The following ZNF804A variants were observed in gnomAD, a reference collection of about 807,000 sequenced individuals.
The protein encoded by ZNF804A is zinc finger protein 804A.
Under a neutral mutation model 16.5 loss-of-function variants are expected in ZNF804A, and 2 were observed. The observed-to-expected ratio is 0.12, with a 90% CI of 0.05 to 0.38. The LOEUF (loss-of-function observed/expected upper bound fraction) is 0.38, where lower values mean the gene tolerates loss of function less well. ZNF804A is among the 10% of genes least tolerant of loss of function. ZNF804A has a pLI of 0.99. For synonymous variants in ZNF804A, 534 were observed against 489.6 expected, an observed-to-expected ratio of 1.09 and a Z score of -1.20; for missense variants, 1,473 against 1,390.7, an observed-to-expected ratio of 1.06 and a Z score of -0.94.
At chr2:184,818,445 TA>T (rs1414630201) in intron 1 of ZNF804A, among the ~76,000 whole-genome samples, 2 of 150,258 alleles carry the variant, frequency 1.3e-5, no homozygotes, top group Admixed American at 6.6e-5. Flanking sequence ...TACCAGCCAC[TA>T]AAAAAAATAC....
At position 184,719,390 on chromosome 2, in the gene ZNF804A, T is replaced by C. The variant is rs1161047866; in HGVS notation, c.111+120320T>C. 2.0e-5 allele frequency among the ~76,000 whole-genome samples: 3 copies of C among 152,308 alleles called. No individual in the cohort carries two copies. In the East Asian group the frequency reaches 5.8e-4, roughly 30 times the overall value. On this transcript the variant is annotated intron_variant, in intron 1 of 3. Coordinates refer to ENST00000302277, the MANE Select transcript of ZNF804A (RefSeq NM_194250.2). ...TCCCATTGTCTTGGGGATTAACATTTGGCTCCTCATTCATTATGCAAATTT... is the reference window on the plus strand; with the variant it reads ...TCCCATTGTCTTGGGGATTAACATTCGGCTCCTCATTCATTATGCAAATTT...
At chr2:184,811,745 GA>G (rs377508381) in intron 1 of ZNF804A, among the ~76,000 whole-genome samples, 309 of 152,092 alleles carry the variant, frequency 2.0e-3, no homozygotes, top group Non-Finnish European at 3.2e-3. Flanking sequence ...TAATAATAAA[GA>G]AAATAAGTCA....
chr2:184,731,564 C>CTTTTTT lies in ZNF804A; in HGVS notation c.111+132512_111+132517dup, dbSNP rs34877709. ...GAGATGTCTGTTAAGGTCTTTAACG[C>CTTTTTT]TTTTTTTTTTTTTTTTTTTTTTTGA... On this transcript the variant is annotated intron_variant, in intron 1 of 3. Coordinates refer to ENST00000302277, the MANE Select transcript of ZNF804A (RefSeq NM_194250.2). Among the ~76,000 whole-genome samples the CTTTTTT allele has an allele frequency of 2.6e-4, 22 of 84,664 alleles. 1 individual carries two copies. Among genetic ancestry groups the CTTTTTT allele is most frequent in the Non-Finnish European group, 3.7e-4 (17 of 46,332 alleles). 55.5% of individuals were successfully genotyped at this position (84,664 alleles called of 152,430 possible). A position where few individuals can be genotyped will look rare whatever the true frequency, so the allele number is the denominator to read the frequency against.
chr2:184,747,321 CAAA>C (rs397986917), intron 1 of ZNF804A, among the ~76,000 whole-genome samples: 6 of 78,082 alleles, frequency 7.7e-5, no homozygotes, highest in Admixed American at 1.5e-4. Flanking sequence ...AATCTTGCTG[CAAA>C]AAAAAAAAAA....
chr2:184,855,426 T>A (rs1366683709), intron 1 of ZNF804A, among the ~76,000 whole-genome samples: 1 of 152,042 alleles, frequency 6.6e-6, no homozygotes, highest in African/African-American at 2.4e-5. Context: ...TTTTGTTATT[T>A]CTTGAAAATT....
chr2:184,732,366 T>C (rs920711146), intron 1 of ZNF804A, among the ~76,000 whole-genome samples: 2 of 152,154 alleles, frequency 1.3e-5, no homozygotes, highest in Non-Finnish European at 2.9e-5. Context: ...GGTTTACTTC[T>C]GGACCTTCTA....
rs1220512642 is a variant in ZNF804A at position 184,779,590 on chromosome 2, CT to C, written c.112-86777del. Among the ~76,000 whole-genome samples the C allele has an allele frequency of 1.1e-4, 17 of 151,608 alleles. No individual in the cohort carries two copies. The East Asian group carries it at 2.5e-3, about 23-fold the overall frequency. On this transcript the variant is annotated intron_variant, in intron 1 of 3. Transcript: ENST00000302277. ...TGGGCCCAATGTAATCACAATGGCCCTTAAGTGCAAAAGAGGTAGAAGAGTC... is the reference window on the plus strand; with the variant it reads ...TGGGCCCAATGTAATCACAATGGCCCTAAGTGCAAAAGAGGTAGAAGAGTC...
chr2:184,661,131 T>G (rs2105706313), intron 1 of ZNF804A, among the ~76,000 whole-genome samples: 1 of 152,328 alleles, frequency 6.6e-6, no homozygotes, highest in East Asian at 1.9e-4. Context: ...TAGAAATGTA[T>G]AGTATTTGTG....
chr2:184,618,233 ATTTC>A (rs1691357647), intron 1 of ZNF804A, among the ~76,000 whole-genome samples: 1 of 152,018 alleles, frequency 6.6e-6, no homozygotes, highest in Non-Finnish European at 1.5e-5. Flanking sequence ...TTGCTCTTTC[ATTTC>A]TTTGTTTTTC....
chr2:184,924,106 T>G (rs1372323401), intron 2 of ZNF804A, among the ~76,000 whole-genome samples: 3 of 151,698 alleles, frequency 2.0e-5, no homozygotes, highest in African/African-American at 7.3e-5. Context: ...TTTGGAAGTA[T>G]TCCCTTCTTA....
At chr2:184,732,271 A>G (rs1474757887) in intron 1 of ZNF804A, among the ~76,000 whole-genome samples, 1 of 151,756 alleles carries the variant, frequency 6.6e-6, no homozygotes, top group Non-Finnish European at 1.5e-5. Flanking sequence ...TTGCATGTCA[A>G]TATCCAGTTG....
intron 1 of ZNF804A, among the ~76,000 whole-genome samples, chr2:184,805,806 A>G (rs1694792300): frequency 6.6e-6 from 1 of 152,012 alleles, no homozygotes; most frequent in South Asian, 2.1e-4. Context: ...AAAGAAAAAT[A>G]CTGGGTTATT....
chr2:184,672,248 C>A (rs1010264195), intron 1 of ZNF804A, among the ~76,000 whole-genome samples: 1 of 152,092 alleles, frequency 6.6e-6, no homozygotes, highest in African/African-American at 2.4e-5. Flanking sequence ...GCTCTATGGT[C>A]CTAACAGTTT....
intron 1 of ZNF804A, among the ~76,000 whole-genome samples, chr2:184,700,336 T>A (rs1692899670): frequency 6.6e-6 from 1 of 152,084 alleles, no homozygotes; most frequent in African/African-American, 2.4e-5. Flanking sequence ...TTTCCCATAC[T>A]GTTTACTGAA....
chr2:184,716,147 A>G (rs1693209878), intron 1 of ZNF804A, among the ~76,000 whole-genome samples: 1 of 152,174 alleles, frequency 6.6e-6, no homozygotes, highest in South Asian at 2.1e-4. Context: ...AAATAGAACA[A>G]TGAGAAAACC....
intron 2 of ZNF804A, among the ~76,000 whole-genome samples, chr2:184,901,896 T>C (rs1317105720): frequency 1.3e-5 from 2 of 151,942 alleles, no homozygotes; most frequent in Non-Finnish European, 2.9e-5. Flanking sequence ...TGAGTATATA[T>C]ATAATATCAC....
rs3046265 is a variant in ZNF804A, at chr2:184,924,009, TTGTGTGTG to T, written c.256-9576_256-9569del. ...AGTGATGTTGACATGTAGTTTTGTT[TTGTGTGTG>T]TGTGTGTGTGTGTGTGTATGTTTTC... On this transcript the variant is annotated intron_variant, in intron 2 of 3. Transcript: ENST00000302277. Among the ~76,000 whole-genome samples, 628 of 149,592 alleles carry T rather than the reference TTGTGTGTG, an allele frequency of 4.2e-3. 4 individuals carry two copies. The highest frequency in any genetic ancestry group is 0.013 in the African/African-American group (550 of 40,814).
At chr2:184,864,577 T>C (rs11890843) in intron 1 of ZNF804A, among the ~76,000 whole-genome samples, 48,716 of 152,102 alleles carry the variant, frequency 0.32, 10,591 homozygotes, top group African/African-American at 0.62. Flanking sequence ...TTGATTACTA[T>C]AAACTATGCC....
At position 184,635,297 on chromosome 2, in the gene ZNF804A, A is replaced by G. The variant is rs376252930; in HGVS notation, c.111+36227A>G. Among the ~76,000 whole-genome samples the G allele has an allele frequency of 5.3e-5, 8 of 152,286 alleles. No homozygotes were observed. The East Asian group carries it at 9.6e-4, about 18-fold the overall frequency. On this transcript the variant is annotated intron_variant, in intron 1 of 3. Transcript: ENST00000302277. ...AAGGATTTCCTATGGAAGTTTAGCA[A>G]TAAGTCAAACCAGATGCTCCACTTC...
Sources: gnomAD v4.1 joint callset for allele counts (sites outside exome capture counted in the v4.1 genomes callset) on GRCh38, gnomAD v4.1.1 for gene constraint, MANE v1.5 for transcripts, NCBI Gene and HGNC (gene_info 2026-07-23, HGNC 2026-07-21) for gene names.